The following ROR1 variants were observed in gnomAD, a reference collection of about 807,000 sequenced individuals.
ROR1 encodes the protein inactive tyrosine-protein kinase transmembrane receptor ROR1.
A neutral mutation model predicts 78.8 loss-of-function variants in ROR1; 19 were observed. That is an observed-to-expected ratio of 0.24 (90% CI 0.17 to 0.35). The LOEUF is 0.35. Among genes scored for constraint, ROR1 ranks in the 10% least tolerant of loss-of-function variants. The pLI is 1.00. For synonymous variants in ROR1, 386 were observed against 433.6 expected, an observed-to-expected ratio of 0.89 and a Z score of 1.36; for missense variants, 917 against 1,177.8, an observed-to-expected ratio of 0.78 and a Z score of 3.24.
rs117862520 is a variant in ROR1 at position 63,962,575 on chromosome 1, T to C, written c.92-46730T>C. ...AGGACTGAGAAAAGCCTCCCTGGAG[T>C]TGGTGATGATTTAACTGCATCTCAA... On this transcript the variant is annotated intron_variant, in intron 1 of 8. Transcript: ENST00000371079. Among the ~76,000 whole-genome samples, 262 of 151,892 alleles carry C rather than the reference T, an allele frequency of 1.7e-3. 7 individuals are homozygous for C. The East Asian group carries it at 0.038, about 22-fold the overall frequency.
chr1:63,788,769 G>T, intron 1 of ROR1: 2 of 527,972 alleles, frequency 3.8e-6, no homozygotes, highest in South Asian at 1.7e-5. Flanking sequence ...CCTCCTTCTT[G>T]ACCTGGAGGC....
At chr1:63,937,684 T>C (rs1167040743) in intron 1 of ROR1, among the ~76,000 whole-genome samples, 1 of 152,162 alleles carries the variant, frequency 6.6e-6, no homozygotes, top group Non-Finnish European at 1.5e-5. Flanking sequence ...AATCAGAGCC[T>C]GAAGGTGCAG....
At chr1:63,829,001 A>G (rs1012332712) in intron 1 of ROR1, among the ~76,000 whole-genome samples, 8 of 152,148 alleles carry the variant, frequency 5.3e-5, no homozygotes, top group African/African-American at 1.9e-4. Flanking sequence ...TGATAAACTG[A>G]TATATTGATG....
intron 1 of ROR1, among the ~76,000 whole-genome samples, chr1:63,787,311 C>T (rs1005530898): frequency 6.6e-5 from 10 of 152,138 alleles, no homozygotes; most frequent in Admixed American, 2.0e-4. Flanking sequence ...CTGATTTAGC[C>T]CAACACCTTT....
At chr1:63,786,507 C>T (rs986815355) in intron 1 of ROR1, among the ~76,000 whole-genome samples, 2 of 150,538 alleles carry the variant, frequency 1.3e-5, no homozygotes, top group African/African-American at 2.4e-5. Flanking sequence ...CTCCTGACCC[C>T]GTGATCCTCC....
chr1:63,870,038 TCAAAACA>T (rs1645241886), intron 1 of ROR1, among the ~76,000 whole-genome samples: 1 of 152,198 alleles, frequency 6.6e-6, no homozygotes, highest in South Asian at 2.1e-4. Context: ...GAAACTGAAC[TCAAAACA>T]CAAGGAAAAA....
At chr1:63,966,969 T>A (rs971912875) in intron 1 of ROR1, among the ~76,000 whole-genome samples, 10 of 152,188 alleles carry the variant, frequency 6.6e-5, no homozygotes, top group African/African-American at 2.4e-4. Flanking sequence ...TCTACTTTGG[T>A]TAGGTGCTGC....
chr1:64,061,648 G>T (rs542778312), intron 4 of ROR1, among the ~76,000 whole-genome samples: 8 of 152,114 alleles, frequency 5.3e-5, no homozygotes, highest in Non-Finnish European at 1.0e-4. Flanking sequence ...GAGAAGCAGG[G>T]GTTTAGAGAA....
intron 8 of ROR1, among the ~76,000 whole-genome samples, chr1:64,177,123 C>T (rs1650403673): frequency 6.6e-6 from 1 of 152,182 alleles, no homozygotes; most frequent in African/African-American, 2.4e-5. Context: ...TCTGCATTTG[C>T]AGTAAGTTTG....
At chr1:64,146,682 A>T (rs958077471) in intron 7 of ROR1, among the ~76,000 whole-genome samples, 36 of 147,578 alleles carry the variant, frequency 2.4e-4, no homozygotes, top group African/African-American at 8.3e-4. Context: ...CAAGGATTAC[A>T]AATTATACCT....
intron 1 of ROR1, among the ~76,000 whole-genome samples, chr1:63,891,259 A>C (rs943633482): frequency 2.0e-5 from 3 of 152,206 alleles, no homozygotes; most frequent in Non-Finnish European, 4.4e-5. Context: ...AGAAACAGCA[A>C]AATAAAAGTA....
intron 1 of ROR1, among the ~76,000 whole-genome samples, chr1:63,902,588 T>A (rs549132748): frequency 6.6e-6 from 1 of 152,122 alleles, no homozygotes; most frequent in South Asian, 2.1e-4. Context: ...CCCCCCAAAG[T>A]GCTGAGATTA....
chr1:64,161,430 G>T (rs897098725), intron 8 of ROR1, among the ~76,000 whole-genome samples: 1 of 152,212 alleles, frequency 6.6e-6, no homozygotes, highest in African/African-American at 2.4e-5. Flanking sequence ...TGGTCAGTTT[G>T]TGCTTCAGAG....
At chr1:63,996,233 G>C (rs750455487) in intron 1 of ROR1, among the ~76,000 whole-genome samples, 1 of 152,136 alleles carries the variant, frequency 6.6e-6, no homozygotes, top group Non-Finnish European at 1.5e-5. Context: ...AAAGTGCAAA[G>C]TCTCTTAAGA....
At chr1:63,915,588 G>A (rs1052201981) in intron 1 of ROR1, among the ~76,000 whole-genome samples, 21 of 152,088 alleles carry the variant, frequency 1.4e-4, no homozygotes, top group Admixed American at 5.2e-4. Context: ...CAAGGACTTA[G>A]AGCCCACAAC....
At chr1:64,034,499 AT>A (rs1646685613) in intron 2 of ROR1, among the ~76,000 whole-genome samples, 1 of 152,132 alleles carries the variant, frequency 6.6e-6, no homozygotes, top group Non-Finnish European at 1.5e-5. Context: ...TTTTTTAAGC[AT>A]TTATAGCAAA....
At chr1:64,091,199 A>G (rs1391062926) in intron 4 of ROR1, among the ~76,000 whole-genome samples, 1 of 152,096 alleles carries the variant, frequency 6.6e-6, no homozygotes, top group Non-Finnish European at 1.5e-5. Context: ...AATATTAAGG[A>G]TGAGCTGGTG....
intron 1 of ROR1, among the ~76,000 whole-genome samples, chr1:63,883,436 T>C (rs1371044174): frequency 2.6e-5 from 4 of 152,120 alleles, no homozygotes; most frequent in Non-Finnish European, 5.9e-5. Context: ...TAACATCTCC[T>C]TCCTCTGTTT....
rs1453121800 is a variant in ROR1 at position 64,180,959 on chromosome 1, T to C, written c.*2104T>C. 2.0e-5 allele frequency: 3 copies of C among 152,114 alleles called. No individual in the cohort carries two copies. The highest frequency in any genetic ancestry group is 2.9e-5 in the Non-Finnish European group (2 of 67,960). The allele number at this position is 152,114 out of a possible 1,614,324, so 9.4% of individuals were successfully genotyped here. A position where few individuals can be genotyped will look rare whatever the true frequency, so the allele number is the denominator to read the frequency against. On this transcript the variant is annotated 3_prime_UTR_variant, in exon 9 of 9. Coordinates refer to ENST00000371079, the MANE Select transcript of ROR1 (RefSeq NM_005012.4). The stretch of plus-strand genomic sequence containing the variant: ...AACTGAAAACATTAAAGTGAGCAAA[T>C]GAAATTTCAAAACCACTTGTAATAA...
Sources: allele counts gnomAD v4.1 joint callset (sites outside exome capture counted in the v4.1 genomes callset), GRCh38; gene constraint gnomAD v4.1.1; transcripts MANE v1.5; gene names NCBI Gene and HGNC (gene_info 2026-07-23, HGNC 2026-07-21).